Variants in PDE10A observed in about 807,000 individuals in gnomAD.
The protein encoded by PDE10A is phosphodiesterase 10A.
A neutral mutation model predicts 97.7 loss-of-function variants in PDE10A; 39 were observed. The observed-to-expected ratio is 0.40, with a 90% CI of 0.31 to 0.52. PDE10A has a LOEUF of 0.52. PDE10A is among the 20% of genes least tolerant of loss of function. PDE10A has a pLI of 0.56. For missense variants in PDE10A, 731 were observed against 1,047.8 expected (o/e 0.70, Z 4.17); for synonymous variants, 371 against 376.8 (o/e 0.98, Z 0.18).
At chr6:165,478,701 C>A (rs1779432349) in intron 3 of PDE10A, among the ~76,000 whole-genome samples, 1 of 152,148 alleles carries the variant, frequency 6.6e-6, no homozygotes. Flanking sequence ...CTTTCCAGGT[C>A]TTTTCTCTGA....
At chr6:165,778,112 T>C (rs1778242387) in intron 1 of PDE10A, among the ~76,000 whole-genome samples, 1 of 152,182 alleles carries the variant, frequency 6.6e-6, no homozygotes, top group Admixed American at 6.5e-5. Context: ...TCTCACTCTG[T>C]CACCCAGGCT....
chr6:165,482,198 A>G (rs1779644638), intron 3 of PDE10A, 117 bp downstream of exon 3: 2 of 784,574 alleles, frequency 2.5e-6, no homozygotes, highest in South Asian at 2.9e-5. Flanking sequence ...TTTGGAGAGG[A>G]AACTCAGTTT....
intron 1 of PDE10A, among the ~76,000 whole-genome samples, chr6:165,925,942 G>T (rs556740249): frequency 3.3e-5 from 5 of 152,348 alleles, no homozygotes; most frequent in African/African-American, 1.2e-4. Context: ...TACCATAGCA[G>T]ACTGTAGTTA....
chr6:165,842,318 T>G (rs1293957080), intron 1 of PDE10A, among the ~76,000 whole-genome samples: 1 of 151,588 alleles, frequency 6.6e-6, no homozygotes, highest in East Asian at 1.9e-4. Flanking sequence ...TATACCTGCA[T>G]GACTTCCATT....
At chr6:165,384,630 GA>G (rs1785142842) in intron 17 of PDE10A, among the ~76,000 whole-genome samples, 1 of 46,306 alleles carries the variant, frequency 2.2e-5, no homozygotes, top group Non-Finnish European at 3.9e-5. Flanking sequence ...ATGTGTGAGT[GA>G]GTGTGTGTGT....
chr6:165,843,505 C>T (rs1780319430), intron 1 of PDE10A, among the ~76,000 whole-genome samples: 1 of 152,208 alleles, frequency 6.6e-6, no homozygotes, highest in South Asian at 2.1e-4. Flanking sequence ...AGGGCCCCTG[C>T]CTGTCTGATG....
At chr6:165,501,429 C>T (rs957238843) in intron 2 of PDE10A, among the ~76,000 whole-genome samples, 2 of 152,022 alleles carry the variant, frequency 1.3e-5, no homozygotes, top group African/African-American at 4.8e-5. Context: ...GGCGTGGTGG[C>T]GGGCGCCTGT....
chr6:165,440,256 G>A (rs1236518028), intron 5 of PDE10A, among the ~76,000 whole-genome samples: 2 of 152,180 alleles, frequency 1.3e-5, no homozygotes, highest in Admixed American at 1.3e-4. Context: ...CTGTGCACTT[G>A]AAGAAGGCAA....
At chr6:165,811,265 C>T (rs1216607557) in intron 1 of PDE10A, among the ~76,000 whole-genome samples, 1 of 152,076 alleles carries the variant, frequency 6.6e-6, no homozygotes, top group East Asian at 1.9e-4. Context: ...AAAAGCACTT[C>T]CTAGAAGCTA....
chr6:165,842,460 G>A (rs575642617), intron 1 of PDE10A, among the ~76,000 whole-genome samples: 169 of 152,330 alleles, frequency 1.1e-3, no homozygotes, highest in African/African-American at 3.9e-3. Flanking sequence ...TTTAAATCCA[G>A]CTCCCTTGCA....
chr6:165,358,304 C>A (rs574488477), intron 18 of PDE10A, among the ~76,000 whole-genome samples: 15 of 151,910 alleles, frequency 9.9e-5, no homozygotes, highest in African/African-American at 3.6e-4. Context: ...ATAAAACTCT[C>A]CAACTAGGAT....
intron 1 of PDE10A, among the ~76,000 whole-genome samples, chr6:165,658,685 C>T (rs1483501905): frequency 1.3e-5 from 2 of 152,228 alleles, no homozygotes; most frequent in Admixed American, 1.3e-4. Context: ...CGTGACTTCT[C>T]CGCTCTCCAT....
At chr6:165,987,384 G>C (rs1462216090) in intron 1 of PDE10A, 1 of 313,438 alleles carries the variant, frequency 3.2e-6, no homozygotes, top group Admixed American at 4.6e-5. Flanking sequence ...CACCACACAC[G>C]CGCACACGTT....
At chr6:165,801,643 C>G (rs979969851) in intron 1 of PDE10A, among the ~76,000 whole-genome samples, 1 of 152,228 alleles carries the variant, frequency 6.6e-6, no homozygotes, top group Non-Finnish European at 1.5e-5. Context: ...AAGATCCAAG[C>G]AACACCACAT....
chr6:165,761,540 T>A (rs1317303754), intron 1 of PDE10A, among the ~76,000 whole-genome samples: 2 of 152,198 alleles, frequency 1.3e-5, no homozygotes, highest in Non-Finnish European at 2.9e-5. Context: ...GAAGCCTGGC[T>A]TTTTCTTTAA....
chr6:165,407,086 A>G (rs1020176216), intron 13 of PDE10A, among the ~76,000 whole-genome samples: 1 of 152,054 alleles, frequency 6.6e-6, no homozygotes, highest in Non-Finnish European at 1.5e-5. Context: ...ATATGAACCA[A>G]TTTCCCTCCT....
rs1785491080 is a variant in PDE10A at position 165,388,968 on chromosome 6, AT to A, written c.2455-516del. Among the ~76,000 whole-genome samples, 1 of 152,220 alleles carries A rather than the reference AT, an allele frequency of 6.6e-6. No individual in the cohort carries two copies. Among genetic ancestry groups the A allele is most frequent in the Admixed American group, 6.5e-5 (1 of 15,282 alleles). On this transcript the variant is annotated intron_variant, in intron 16 of 21. Transcript: ENST00000539869. The surrounding 1 kb of genome is among the most constrained non-coding windows in gnomAD (Gnocchi z 4.0). ...GAAATTAGAGAAAGTCAGGCTGAGTATGAAATAAACTAGGCAGGCACACCTC... is the reference window on the plus strand; with the variant it reads ...GAAATTAGAGAAAGTCAGGCTGAGTAGAAATAAACTAGGCAGGCACACCTC...
chr6:165,558,887 C>T (rs999666698), intron 1 of PDE10A, among the ~76,000 whole-genome samples: 2 of 152,036 alleles, frequency 1.3e-5, no homozygotes, highest in Admixed American at 6.6e-5. Flanking sequence ...ACCAACATGG[C>T]ACATGTATAC....
intron 1 of PDE10A, among the ~76,000 whole-genome samples, chr6:165,619,354 GTAGTC>G (rs1367355308): frequency 5.5e-5 from 8 of 145,694 alleles, no homozygotes; most frequent in African/African-American, 1.6e-4. Context: ...CTAGTGTAGT[GTAGTC>G]TAGTGTAGTG....
Sources: allele counts gnomAD v4.1 joint callset (sites outside exome capture counted in the v4.1 genomes callset), GRCh38; gene constraint gnomAD v4.1.1; non-coding constraint Gnocchi (gnomAD v3.1); transcripts MANE v1.5; gene names NCBI Gene and HGNC (gene_info 2026-07-23, HGNC 2026-07-21).